The following RGN variants were observed in gnomAD, a reference collection of about 807,000 sequenced individuals.
RGN encodes the protein regucalcin.
RGN carries 19 observed loss-of-function variants against 20.6 expected under a neutral mutation model. The ratio of observed to expected loss-of-function variants is 0.92; its 90% CI spans 0.64 to 1.35. The LOEUF is 1.35. RGN is among the 40% of genes most tolerant of loss of function. RGN has a pLI of 0.00. For synonymous variants in RGN, 85 were observed against 87.2 expected, an observed-to-expected ratio of 0.97 and a Z score of 0.14; for missense variants, 302 against 232.7, an observed-to-expected ratio of 1.30 and a Z score of -1.94.
intron 5 of RGN, among the ~76,000 whole-genome samples, chrX:47,090,911 A>AG (rs1556387369): frequency 0.014 from 401 of 27,874 alleles, 41 homozygotes; most frequent in African/African-American, 0.05. Flanking sequence ...GAAAGAAAGA[A>AG]GAAGGAAAGA....
rs1930979942 is a variant in RGN, at chrX:47,090,961, A to AAAGAAAGAAAG, written c.563-714_563-704dup. Among the ~76,000 whole-genome samples, 87 of 63,599 alleles carry AAAGAAAGAAAG rather than the reference A, an allele frequency of 1.4e-3. 11 individuals are homozygous for AAAGAAAGAAAG. The highest frequency in any genetic ancestry group is 3.8e-3 in the African/African-American group (59 of 15,481). The allele number at this position is 63,599 out of a possible 115,157, so 55.2% of individuals were successfully genotyped here. A position where few individuals can be genotyped will look rare whatever the true frequency, so the allele number is the denominator to read the frequency against. On this transcript the variant is annotated intron_variant, in intron 5 of 7. Transcript: ENST00000397180. The stretch of plus-strand genomic sequence containing the variant: ...GAAAGAAAGAAAGAAAGAAAGAAAG[A>AAAGAAAGAAAG]AAGAAAGAAAGAAAGAAAGAAAGAT...
intron 5 of RGN, among the ~76,000 whole-genome samples, chrX:47,090,883 A>G (rs1221346398): frequency 3.3e-5 from 2 of 59,795 alleles, no homozygotes; most frequent in African/African-American, 1.1e-4. Context: ...AGAAAGAAAG[A>G]AAAGAAGAAG....
At chrX:47,078,745 T>C (rs781932236) in intron 1 of RGN, 36 bp downstream of exon 1, 6 of 110,004 alleles carry the variant, frequency 5.5e-5, no homozygotes, top group African/African-American at 2.0e-4. Context: ...TGAAGCCCCG[T>C]CCCCGCTCCC....
chrX:47,090,961 A>AAGGAAGGAAAAAGAAAGAAAGAAAGAAAG (rs1556387554), intron 5 of RGN, among the ~76,000 whole-genome samples: 7 of 63,533 alleles, frequency 1.1e-4, no homozygotes, highest in Non-Finnish European at 1.8e-4. Flanking sequence ...AGAAAGAAAG[A>AAGGAAGGAAAAAGAAAGAAAGAAAGAAAG]AAGAAAGAAA....
In RGN at chrX:47,088,715, T is replaced by C. The variant is rs1930720140; in HGVS notation, c.347-1061T>C. Among the ~76,000 whole-genome samples, 8 of 108,118 alleles carry C rather than the reference T, an allele frequency of 7.4e-5. 1 individual carries two copies. The Admixed American group carries it at 8.1e-4, about 11-fold the overall frequency. 93.9% of individuals were successfully genotyped at this position (108,118 alleles called of 115,157 possible). On this transcript the variant is annotated intron_variant, in intron 4 of 7. Coordinates refer to ENST00000397180, the MANE Select transcript of RGN (RefSeq NM_152869.4). The stretch of plus-strand genomic sequence containing the variant: ...GGGAGGCCGAGGCAAGTAGATCACT[T>C]GAGCTCGGGAGTCTGAGACCAGCCT...
chrX:47,089,221 A>G (rs1414424064), intron 4 of RGN, among the ~76,000 whole-genome samples: 19 of 104,215 alleles, frequency 1.8e-4, no homozygotes, highest in Non-Finnish European at 3.3e-4. Context: ...TATTTTATCC[A>G]GGTTTTATAG....
At chrX:47,084,767 A>C (rs1465269163) in intron 4 of RGN, 167 bp downstream of exon 4, 24 of 403,085 alleles carry the variant, frequency 6.0e-5, no homozygotes, top group Non-Finnish European at 8.8e-5. Flanking sequence ...CTGCCTGGGC[A>C]ACATAGTGAA....
intron 5 of RGN, 29 bp from the exon 6 acceptor site, chrX:47,091,647 TTC>T (rs1556387897): frequency 1.7e-6 from 2 of 1,193,261 alleles, no homozygotes; most frequent in South Asian, 3.7e-5. Context: ...TTTGTTGTGG[TTC>T]TGTTTTTGTT....
intron 1 of RGN, among the ~76,000 whole-genome samples, chrX:47,079,561 G>A (rs1930205756): frequency 9.3e-6 from 1 of 107,085 alleles, no homozygotes; most frequent in African/African-American, 3.4e-5. Context: ...CTCATGAGTC[G>A]CTGGGATTAC....
chrX:47,087,812 T>C (rs1672440331), intron 4 of RGN, among the ~76,000 whole-genome samples: 1 of 103,782 alleles, frequency 9.6e-6, no homozygotes, highest in Non-Finnish European at 1.9e-5. Flanking sequence ...CTTATAATAA[T>C]ATATAGTTTT....
In RGN at chrX:47,081,285, G is replaced by A. The variant is rs1556381249; in HGVS notation, c.141G>A (p.Lys47=). ...KKVCRWDSFT[K]QVQRVTMDAP... ...TTTGCCGGTGGGATTCATTCACCAAGCAAGTACAGCGAGTGACCATGGGTA... is the reference window on the plus strand; with the variant it reads ...TTTGCCGGTGGGATTCATTCACCAAACAAGTACAGCGAGTGACCATGGGTA... Residue 47 remains lysine, a synonymous_variant, in exon 3 of 8, where the codon AAG becomes AAA. Coordinates refer to ENST00000397180, the MANE Select transcript of RGN (RefSeq NM_152869.4). The A allele has an allele frequency of 1.7e-6, 2 of 1,210,697 alleles. No homozygotes were observed. The highest frequency in any genetic ancestry group is 1.8e-5 in the South Asian group (1 of 56,914).
chrX:47,090,811 C>T (rs149709787), intron 5 of RGN, among the ~76,000 whole-genome samples: 3,174 of 102,323 alleles, frequency 0.031, 54 homozygotes, highest in Middle Eastern at 0.063. Context: ...TGCAGTGAGC[C>T]GAGATCGCGC....
At chrX:47,081,095 G>A (rs782409932) in intron 2 of RGN, 35 bp from the exon 3 acceptor site, 3 of 1,049,857 alleles carry the variant, frequency 2.9e-6, no homozygotes, top group South Asian at 1.9e-5. Context: ...TGTTCTGTGC[G>A]ATGACCTTTC....
At chrX:47,090,486 C>CA (rs1351281494) in intron 5 of RGN, among the ~76,000 whole-genome samples, 52 of 97,926 alleles carry the variant, frequency 5.3e-4, no homozygotes, top group East Asian at 1.9e-3. Flanking sequence ...AATGGAAAAG[C>CA]AAAAAAAAAA....
At chrX:47,079,438 G>GT (rs541170817) in intron 1 of RGN, among the ~76,000 whole-genome samples, 1,820 of 101,228 alleles carry the variant, frequency 0.018, 41 homozygotes, top group African/African-American at 0.057. Context: ...TGTTTTTTTG[G>GT]TTTTTTTTTT....
chrX:47,090,940 G>GGAAAGAA lies in RGN; in HGVS notation c.563-738_563-737insGAAAGAA, dbSNP rs1569540742. Among the ~76,000 whole-genome samples the GGAAAGAA allele has an allele frequency of 4.2e-4, 11 of 26,044 alleles. 1 individual carries two copies. Among genetic ancestry groups the GGAAAGAA allele is most frequent in the African/African-American group, 6.0e-4 (7 of 11,641 alleles). 22.6% of individuals were successfully genotyped at this position (26,044 alleles called of 115,157 possible). ...GGAAAGAAAGAAAGAAAGAAAGAAA[G>GGAAAGAA]AAAGAAAGAAAGAAAGAAAGAAAGA... is the stretch of plus-strand genomic sequence containing the variant. On this transcript the variant is annotated intron_variant, in intron 5 of 7. Coordinates refer to ENST00000397180, the MANE Select transcript of RGN (RefSeq NM_152869.4).
intron 5 of RGN, among the ~76,000 whole-genome samples, chrX:47,091,476 A>T (rs1298206249): frequency 1.8e-5 from 2 of 111,955 alleles, no homozygotes; most frequent in African/African-American, 3.2e-5. Flanking sequence ...GAATGCTTAA[A>T]CAGATATGCC....
intron 5 of RGN, among the ~76,000 whole-genome samples, chrX:47,090,947 A>AGAAGGAAG (rs1569540748): frequency 9.5e-5 from 3 of 31,475 alleles, no homozygotes; most frequent in Admixed American, 3.3e-4. Context: ...AAAGAAAGAA[A>AGAAGGAAG]GAAAGAAAGA....
rs374937176 is a variant in RGN at position 47,092,140 on chromosome X, G to A, written c.774G>A (p.Met258Ile). ...CCFGGKNYSE[M>I]YVTCARDGMD... ...TTGGAGGGAAGAATTACTCTGAAATGTATGTGACCTGCGCCCGGGATGGGA... is the reference window on the plus strand; with the variant it reads ...TTGGAGGGAAGAATTACTCTGAAATATATGTGACCTGCGCCCGGGATGGGA... Residue 258 changes from methionine (M) to isoleucine (I), a missense_variant, in exon 7 of 8, where the codon ATG (methionine) becomes ATA (isoleucine). Transcript: ENST00000397180. 16 of 1,203,696 alleles carry A rather than the reference G, an allele frequency of 1.3e-5. No individual in the cohort carries two copies. Among genetic ancestry groups the A allele is most frequent in the Non-Finnish European group, 1.8e-5 (16 of 891,426 alleles).
Sources: allele counts gnomAD v4.1 joint callset (sites outside exome capture counted in the v4.1 genomes callset), GRCh38; gene constraint gnomAD v4.1.1; transcripts MANE v1.5; gene names NCBI Gene and HGNC (gene_info 2026-07-23, HGNC 2026-07-21).